The following CACNA2D3 variants were observed in gnomAD, a reference collection of about 807,000 sequenced individuals.
CACNA2D3 encodes voltage-dependent calcium channel subunit alpha-2/delta-3.
A neutral mutation model predicts 160.6 loss-of-function variants in CACNA2D3; 60 were observed. The ratio of observed to expected loss-of-function variants is 0.37; its 90% CI spans 0.30 to 0.46. The LOEUF (loss-of-function observed/expected upper bound fraction) is 0.46. CACNA2D3 is among the 20% of genes least tolerant of loss of function. The pLI is 1.00. For missense variants in CACNA2D3, 1,205 were observed against 1,365.0 expected, an observed-to-expected ratio of 0.88 and a Z score of 1.85; for synonymous variants, 558 against 492.9, an observed-to-expected ratio of 1.13 and a Z score of -1.75.
intron 11 of CACNA2D3, among the ~76,000 whole-genome samples, chr3:54,748,540 G>T (rs1261558002): frequency 6.6e-6 from 1 of 151,648 alleles, no homozygotes; most frequent in African/African-American, 2.4e-5. Flanking sequence ...TTAAGTGGGA[G>T]ATCAAAATGA....
At chr3:54,353,363 G>A (rs1698596980) in intron 3 of CACNA2D3, among the ~76,000 whole-genome samples, 2 of 152,200 alleles carry the variant, frequency 1.3e-5, no homozygotes, top group South Asian at 4.1e-4. Context: ...GAATCTCTGA[G>A]CCGGACTAAC....
intron 9 of CACNA2D3, among the ~76,000 whole-genome samples, chr3:54,591,212 G>A (rs750158670): frequency 2.0e-5 from 3 of 152,164 alleles, no homozygotes; most frequent in Non-Finnish European, 4.4e-5. Flanking sequence ...AATTCCTAGG[G>A]TGGAAAAGTC....
At chr3:54,530,792 T>G (rs1701794216) in intron 5 of CACNA2D3, among the ~76,000 whole-genome samples, 1 of 152,152 alleles carries the variant, frequency 6.6e-6, no homozygotes, top group Non-Finnish European at 1.5e-5. Context: ...CAATATTGCC[T>G]GAATGTGAAA....
intron 11 of CACNA2D3, among the ~76,000 whole-genome samples, chr3:54,689,805 A>T (rs1700539742): frequency 6.6e-6 from 1 of 151,966 alleles, no homozygotes; most frequent in Non-Finnish European, 1.5e-5. Context: ...TGCCTCTTTG[A>T]CACCCCTTCC....
At chr3:54,228,843 C>G (rs550621082) in intron 2 of CACNA2D3, among the ~76,000 whole-genome samples, 1 of 152,306 alleles carries the variant, frequency 6.6e-6, no homozygotes, top group South Asian at 2.1e-4. Flanking sequence ...TTCAGACATG[C>G]CAGAGCGACA....
intron 8 of CACNA2D3, among the ~76,000 whole-genome samples, chr3:54,580,091 C>A (rs1260117495): frequency 6.6e-6 from 1 of 151,930 alleles, no homozygotes; most frequent in Non-Finnish European, 1.5e-5. Flanking sequence ...ACTCCACCAC[C>A]CCTCACTTAC....
rs570802670 is a variant in CACNA2D3 at position 54,999,636 on chromosome 3, C to T, written c.2691-5127C>T. 2.0e-5 allele frequency among the ~76,000 whole-genome samples: 3 copies of T among 152,284 alleles called. No homozygotes were observed. In the East Asian group the frequency reaches 5.8e-4, roughly 29 times the overall value. On this transcript the variant is annotated intron_variant, in intron 31 of 37. Coordinates refer to ENST00000474759, the MANE Select transcript of CACNA2D3 (RefSeq NM_018398.3). ...AGTGAGCTAATTTGATGAATCATTA[C>T]AGGAAAATTACCTGGCCTCACGGTA...
intron 11 of CACNA2D3, among the ~76,000 whole-genome samples, chr3:54,726,919 CTAAT>C (rs772202736): frequency 1.7e-4 from 26 of 152,124 alleles, no homozygotes; most frequent in Non-Finnish European, 3.4e-4. Context: ...CAAATGGGAG[CTAAT>C]TAAACTAAAG....
At chr3:54,835,217 C>T (rs1698653643) in intron 14 of CACNA2D3, among the ~76,000 whole-genome samples, 1 of 152,160 alleles carries the variant, frequency 6.6e-6, no homozygotes, top group Admixed American at 6.5e-5. Flanking sequence ...AAAGCATGGC[C>T]CCCTCCACCC....
chr3:54,587,137 G>A (rs1392182719), intron 9 of CACNA2D3, among the ~76,000 whole-genome samples: 10 of 151,676 alleles, frequency 6.6e-5, no homozygotes, highest in Non-Finnish European at 1.5e-5. Flanking sequence ...GCAAGCAGAA[G>A]GGAGAAAATA....
At chr3:54,695,564 A>G (rs1379179967) in intron 11 of CACNA2D3, among the ~76,000 whole-genome samples, 1 of 152,142 alleles carries the variant, frequency 6.6e-6, no homozygotes, top group African/African-American at 2.4e-5. Flanking sequence ...CCAGCAATGT[A>G]CCAGTGCTCT....
chr3:54,257,140 C>T (rs1702312901), intron 2 of CACNA2D3, among the ~76,000 whole-genome samples: 1 of 152,172 alleles, frequency 6.6e-6, no homozygotes, highest in African/African-American at 2.4e-5. Flanking sequence ...CATTTCTGTT[C>T]CCAGCAACTT....
At chr3:55,021,613 A>G (rs28639482) in intron 35 of CACNA2D3, among the ~76,000 whole-genome samples, 1 of 134,984 alleles carries the variant, frequency 7.4e-6, no homozygotes, top group East Asian at 2.0e-4. Flanking sequence ...ATATATATAT[A>G]TATGTGTGTG....
intron 14 of CACNA2D3, among the ~76,000 whole-genome samples, chr3:54,824,973 T>C (rs1048816248): frequency 2.0e-5 from 3 of 152,270 alleles, no homozygotes; most frequent in Admixed American, 6.5e-5. Flanking sequence ...CAGTGCTTTC[T>C]AGTTTCAGAC....
At chr3:54,583,755 T>TA (rs563921882) in intron 9 of CACNA2D3, among the ~76,000 whole-genome samples, 4 of 152,280 alleles carry the variant, frequency 2.6e-5, no homozygotes, top group African/African-American at 9.6e-5. Flanking sequence ...CTAATCTGTA[T>TA]AAGAAGACTT....
chr3:54,894,694 G>GT (rs1700145503), intron 25 of CACNA2D3: 1 of 488,986 alleles, frequency 2.0e-6, no homozygotes, highest in Non-Finnish European at 4.1e-6. Flanking sequence ...ATCCTGCCAT[G>GT]GGCCAGGCAA....
intron 9 of CACNA2D3, among the ~76,000 whole-genome samples, chr3:54,597,101 C>T (rs928273208): frequency 6.6e-6 from 1 of 152,236 alleles, no homozygotes; most frequent in Admixed American, 6.5e-5. Context: ...AGTCTCCTGG[C>T]CAACCTCATC....
chr3:54,280,006 T>C (rs1207524267), intron 2 of CACNA2D3, among the ~76,000 whole-genome samples: 1 of 152,230 alleles, frequency 6.6e-6, no homozygotes, highest in Non-Finnish European at 1.5e-5. Context: ...CCAACAGTGA[T>C]TTCTTTGATA....
chr3:54,951,761 T>A (rs1265441690), intron 27 of CACNA2D3, among the ~76,000 whole-genome samples: 1 of 152,170 alleles, frequency 6.6e-6, no homozygotes, highest in Non-Finnish European at 1.5e-5. Context: ...GGCTGAAGAG[T>A]TAAGTAAGAT....
Sources: gnomAD v4.1 joint callset for allele counts (sites outside exome capture counted in the v4.1 genomes callset) on GRCh38, gnomAD v4.1.1 for gene constraint, MANE v1.5 for transcripts, NCBI Gene and HGNC (gene_info 2026-07-23, HGNC 2026-07-21) for gene names.